MTCL2: variants seen among roughly 807,000 people sequenced by gnomAD.
MTCL2 encodes microtubule crosslinking factor 2.
the MTCL2 span, among the ~76,000 whole-genome samples, chr20:36,846,019 G>A: frequency 3.9e-5 from 6 of 152,092 alleles, no homozygotes; most frequent in Non-Finnish European, 8.8e-5. Flanking sequence ...CAAAGTTGTA[G>A]ACATGGTGAA....
chr20:36,808,490 C>G, the MTCL2 span: 1 of 1,563,364 alleles, frequency 6.4e-7, no homozygotes, highest in Non-Finnish European at 8.7e-7. Context: ...CACTCCCAGT[C>G]CCAGTCCCTG....
the MTCL2 span, chr20:36,779,245 T>G: frequency 6.6e-6 from 1 of 152,652 alleles, no homozygotes; most frequent in Non-Finnish European, 1.5e-5. Context: ...AACTGTAGAT[T>G]CTGCCAGGAC....
the MTCL2 span, chr20:36,863,376 G>C: frequency 8.7e-7 from 1 of 1,155,678 alleles, no homozygotes; most frequent in Non-Finnish European, 1.1e-6. The surrounding 1 kb of genome is among the most constrained non-coding windows in gnomAD (Gnocchi z 6.2). Flanking sequence ...CGAGCTGCGC[G>C]CATGGCCCAG....
the MTCL2 span, among the ~76,000 whole-genome samples, chr20:36,799,708 A>AAAGT: frequency 0.028 from 4,202 of 151,898 alleles, 195 homozygotes; most frequent in African/African-American, 0.096. Flanking sequence ...AGAAACGAAG[A>AAAGT]AAGAAGAAGG....
At chr20:36,856,839 CGTGTGT>C in the MTCL2 span, among the ~76,000 whole-genome samples, 3 of 150,478 alleles carry the variant, frequency 2.0e-5, no homozygotes, top group Non-Finnish European at 3.0e-5. Flanking sequence ...AATGTCACAG[CGTGTGT>C]GTGTGTGTGT....
chr20:36,794,813 G>T, the MTCL2 span: 215 of 619,840 alleles, frequency 3.5e-4, 1 homozygote, highest in South Asian at 2.6e-3. This position sits in a 1 kb window ranked among gnomAD's most constrained non-coding sequence, Gnocchi z 5.4. Context: ...ATGTCACCCA[G>T]GCTGGAATGC....
the MTCL2 span, among the ~76,000 whole-genome samples, chr20:36,820,004 G>A: frequency 6.6e-6 from 1 of 152,178 alleles, no homozygotes; most frequent in African/African-American, 2.4e-5. Context: ...CCTGGACGGG[G>A]CACACAGAAG....
chr20:36,836,713 T>C, the MTCL2 span, among the ~76,000 whole-genome samples: 1 of 152,124 alleles, frequency 6.6e-6, no homozygotes, highest in Non-Finnish European at 1.5e-5. Flanking sequence ...TTTCCAACTA[T>C]TGGCCTCTAG....
At chr20:36,844,936 A>G in the MTCL2 span, among the ~76,000 whole-genome samples, 1 of 149,868 alleles carries the variant, frequency 6.7e-6, no homozygotes, top group Non-Finnish European at 1.5e-5. Flanking sequence ...GCTTGAACCC[A>G]GGAGATGGAC....
chr20:36,814,053 T>C, the MTCL2 span, among the ~76,000 whole-genome samples: 1 of 152,282 alleles, frequency 6.6e-6, no homozygotes, highest in East Asian at 1.9e-4. Flanking sequence ...TCCCTCAGCA[T>C]AGGGTCTAGG....
the MTCL2 span, among the ~76,000 whole-genome samples, chr20:36,790,743 T>G: frequency 1.3e-5 from 2 of 151,116 alleles, no homozygotes; most frequent in Non-Finnish European, 3.0e-5. Flanking sequence ...GGCCTCTTTT[T>G]TTTTTTTTTT....
At chr20:36,836,686 T>C in the MTCL2 span, among the ~76,000 whole-genome samples, 2 of 152,116 alleles carry the variant, frequency 1.3e-5, no homozygotes, top group Non-Finnish European at 2.9e-5. Context: ...AGGGTCTTGC[T>C]ATGTTGCCCA....
the MTCL2 span, among the ~76,000 whole-genome samples, chr20:36,826,795 G>A: frequency 6.6e-6 from 1 of 152,152 alleles, no homozygotes; most frequent in Non-Finnish European, 1.5e-5. Flanking sequence ...TGTGAGTTAT[G>A]CTGCTATGAA....
At chr20:36,812,143 C>T in the MTCL2 span, among the ~76,000 whole-genome samples, 1 of 152,182 alleles carries the variant, frequency 6.6e-6, no homozygotes, top group Non-Finnish European at 1.5e-5. Flanking sequence ...AACTCAGGTC[C>T]CCTGAGTCCC....
chr20:36,818,717 TA>T, the MTCL2 span, among the ~76,000 whole-genome samples: 570 of 152,166 alleles, frequency 3.7e-3, 2 homozygotes, highest in Middle Eastern at 0.014. Flanking sequence ...TGCATGGAAA[TA>T]AAAACACCTT....
At chr20:36,778,991 A>G in the MTCL2 span, 4,455 of 152,610 alleles carry the variant, frequency 0.029, 107 homozygotes, top group Non-Finnish European at 0.043. Flanking sequence ...TCCTCAGGGC[A>G]TGGTGTCCAG....
the MTCL2 span, chr20:36,859,734 C>T: frequency 8.1e-7 from 1 of 1,231,790 alleles, no homozygotes; most frequent in Non-Finnish European, 1.0e-6. Flanking sequence ...TAAGCCTGAG[C>T]AGGGCCACCC....
the MTCL2 span, chr20:36,804,607 G>A: frequency 1.6e-6 from 2 of 1,269,256 alleles, no homozygotes; most frequent in Non-Finnish European, 2.2e-6. Context: ...GCCCTCTCTG[G>A]GCCACAGGTG....
chr20:36,817,585 AG>A, the MTCL2 span: 1 of 918,070 alleles, frequency 1.1e-6, no homozygotes, highest in Non-Finnish European at 1.6e-6. Flanking sequence ...CCCAGTCCCC[AG>A]GCCACCCCAC....
Sources: gnomAD v4.1 joint callset for allele counts (sites outside exome capture counted in the v4.1 genomes callset) on GRCh38, gnomAD v4.1.1 for gene constraint, Gnocchi (gnomAD v3.1) non-coding constraint, MANE v1.5 for transcripts, NCBI Gene and HGNC (gene_info 2026-07-23, HGNC 2026-07-21) for gene names.